PTPRA: variants seen among roughly 807,000 people sequenced by gnomAD.
PTPRA encodes receptor-type tyrosine-protein phosphatase alpha.
A neutral mutation model predicts 104.8 loss-of-function variants in PTPRA; 25 were observed. The ratio of observed to expected loss-of-function variants is 0.24; its 90% CI spans 0.17 to 0.33. The LOEUF (loss-of-function observed/expected upper bound fraction) is 0.33, where lower values mean the gene tolerates loss of function less well. Ranked by LOEUF, PTPRA falls within the 10% of genes least tolerant of loss-of-function variation. PTPRA has a pLI of 1.00. For synonymous variants in PTPRA, 323 were observed against 368.9 expected, an observed-to-expected ratio of 0.88 and a Z score of 1.43; for missense variants, 765 against 1,015.3, an observed-to-expected ratio of 0.75 and a Z score of 3.35.
intron 1 of PTPRA, among the ~76,000 whole-genome samples, chr20:2,886,902 T>A (rs11698251): frequency 5.7e-5 from 3 of 52,722 alleles, no homozygotes; most frequent in African/African-American, 1.5e-4. Context: ...AATAAAAAAA[T>A]GTAGTATCTT....
intron 17 of PTPRA, among the ~76,000 whole-genome samples, chr20:3,025,920 G>C (rs192560409): frequency 4.0e-5 from 6 of 150,696 alleles, no homozygotes; most frequent in African/African-American, 1.5e-4. Flanking sequence ...GTATGAGTTA[G>C]AGCTTGAGAT....
chr20:2,917,032 A>G (rs376858627), intron 1 of PTPRA, among the ~76,000 whole-genome samples: 2 of 142,354 alleles, frequency 1.4e-5, no homozygotes, highest in South Asian at 4.3e-4. Context: ...GTCTTGGCTC[A>G]CTGCAACCTC....
At chr20:2,951,745 A>T (rs1210962447) in intron 3 of PTPRA, among the ~76,000 whole-genome samples, 1 of 152,188 alleles carries the variant, frequency 6.6e-6, no homozygotes, top group African/African-American at 2.4e-5. Context: ...TGGCCCCTGC[A>T]TGGCATGGTG....
chr20:2,991,217 G>A (rs754705870), intron 9 of PTPRA, among the ~76,000 whole-genome samples: 6 of 152,090 alleles, frequency 3.9e-5, no homozygotes, highest in African/African-American at 7.2e-5. Context: ...AAATTAGCCA[G>A]GCGTGGTGGC....
At chr20:3,015,955 C>T in intron 12 of PTPRA, 70 bp downstream of exon 12, 1 of 1,427,634 alleles carries the variant, frequency 7.0e-7, no homozygotes, top group Non-Finnish European at 9.8e-7. Context: ...TTTTTTCTCC[C>T]AAATGCTGAG....
rs1481970051 is a variant in PTPRA at position 2,965,165 on chromosome 20, C to T, written c.378C>T (p.Ser126=). The change falls in exon 5 of 24, where the codon AGC becomes AGT. Residue 126 remains serine, a synonymous_variant. Transcript: ENST00000399903. The stretch of plus-strand genomic sequence containing the variant: ...CAGAACCCTGGGAGGGGAATTCCAG[C>T]ACCGCAGCAACCACTCCAGAAACTT... ...ARTEPWEGNS[S]TAATTPETFP... 3 of 1,614,080 alleles carry T rather than the reference C, an allele frequency of 1.9e-6. No individual in the cohort carries two copies. The highest frequency in any genetic ancestry group is 2.5e-6 in the Non-Finnish European group (3 of 1,179,952).
chr20:2,919,117 C>T (rs1171194080), intron 1 of PTPRA, among the ~76,000 whole-genome samples: 3 of 152,136 alleles, frequency 2.0e-5, no homozygotes, highest in African/African-American at 4.8e-5. Context: ...ATCCATTTTA[C>T]TGACATCTTC....
At position 2,899,357 on chromosome 20, in the gene PTPRA, A is replaced by T. The variant is rs575963911; in HGVS notation, c.-128-23850A>T. On this transcript the variant is annotated intron_variant, in intron 1 of 23. Coordinates refer to ENST00000399903, the MANE Select transcript of PTPRA (RefSeq NM_001385305.1). Reference sequence around the variant, plus strand: ...AAATGTGTTACTCACAGTTCTTCTGAAACAGCAGGCGCACCATACTATGCA... The same window carrying T: ...AAATGTGTTACTCACAGTTCTTCTGTAACAGCAGGCGCACCATACTATGCA... Among the ~76,000 whole-genome samples, 93 of 152,354 alleles carry T rather than the reference A, an allele frequency of 6.1e-4. No homozygotes were observed. In the South Asian group the frequency reaches 8.7e-3, roughly 14 times the overall value.
intron 1 of PTPRA, among the ~76,000 whole-genome samples, chr20:2,884,811 TG>T (rs199974008): frequency 0.02 from 2,109 of 107,818 alleles, 78 homozygotes; most frequent in East Asian, 0.14. Context: ...TTGTTTTTTT[TG>T]TTTTTTTTTT....
At chr20:2,912,075 T>A (rs1403991832) in intron 1 of PTPRA, among the ~76,000 whole-genome samples, 1 of 151,698 alleles carries the variant, frequency 6.6e-6, no homozygotes, top group Non-Finnish European at 1.5e-5. Flanking sequence ...AAACCCCATC[T>A]CCACAAAAAA....
chr20:2,912,400 G>C (rs1454301156), intron 1 of PTPRA, among the ~76,000 whole-genome samples: 2 of 151,978 alleles, frequency 1.3e-5, no homozygotes, highest in Non-Finnish European at 2.9e-5. Context: ...GAGGCAAGTG[G>C]ATTGCTTGAG....
intron 9 of PTPRA, among the ~76,000 whole-genome samples, chr20:3,003,653 G>C (rs948886766): frequency 2.0e-5 from 3 of 150,554 alleles, no homozygotes; most frequent in South Asian, 2.1e-4. Flanking sequence ...TCCCACCTCA[G>C]CCTTCTGAGT....
chr20:2,893,347 T>C (rs2058871179), intron 1 of PTPRA, among the ~76,000 whole-genome samples: 2 of 152,212 alleles, frequency 1.3e-5, no homozygotes, highest in African/African-American at 4.8e-5. Context: ...GTATAAAGTA[T>C]AATCAACTAC....
chr20:2,956,708 T>G (rs2061550450), intron 3 of PTPRA, among the ~76,000 whole-genome samples: 1 of 152,156 alleles, frequency 6.6e-6, no homozygotes, highest in Admixed American at 6.6e-5. Flanking sequence ...CAGCCATAAT[T>G]TATTTAATCA....
At chr20:3,019,525 G>T (rs1432185551) in intron 13 of PTPRA, among the ~76,000 whole-genome samples, 1 of 151,758 alleles carries the variant, frequency 6.6e-6, no homozygotes, top group African/African-American at 2.4e-5. Flanking sequence ...GGGCGGCCGG[G>T]CAGAGACGCT....
chr20:2,974,879 ATTAC>A (rs1343803358), intron 5 of PTPRA, among the ~76,000 whole-genome samples: 1 of 152,090 alleles, frequency 6.6e-6, no homozygotes, highest in African/African-American at 2.4e-5. Context: ...ATTAGATTTT[ATTAC>A]TTATCATTTT....
chr20:3,021,352 A>G lies in PTPRA; in HGVS notation c.1085A>G (p.Tyr362Cys), dbSNP rs771371579. Reference protein sequence around the residue: ...QYWPDQGCWTYGNIRVSVEDV... With the variant: ...QYWPDQGCWTCGNIRVSVEDV... ...TGGCCAGACCAAGGCTGCTGGACCTATGGGAATATTCGGGTGTCTGTAGAG... is the reference window on the plus strand; with the variant it reads ...TGGCCAGACCAAGGCTGCTGGACCTGTGGGAATATTCGGGTGTCTGTAGAG... Residue 362 changes from tyrosine to cysteine, a missense_variant, in exon 14 of 24, where the codon TAT becomes TGT. Physicochemically the swap from Tyr to Cys is radical, Grantham distance 194. Transcript: ENST00000399903. 1.9e-6 allele frequency: 3 copies of G among 1,613,894 alleles called. No homozygotes were observed. Among genetic ancestry groups the G allele is most frequent in the Non-Finnish European group, 1.7e-6 (2 of 1,179,850 alleles).
In PTPRA at chr20:3,017,930, G is replaced by C; in HGVS notation, c.1041+17G>C. The C allele has an allele frequency of 6.3e-7, 1 of 1,595,696 alleles. No homozygotes were observed. The highest frequency in any genetic ancestry group is 8.6e-7 in the Non-Finnish European group (1 of 1,163,412). ...AGAAAGGAGGTAAGTGGAAAAATTG[G>C]ATGTGAACAGCAGAAGGATCACTCT... On this transcript the variant is annotated intron_variant, in intron 13 of 23. Coordinates refer to ENST00000399903, the MANE Select transcript of PTPRA (RefSeq NM_001385305.1).
chr20:2,951,283 G>GT (rs2061345583), intron 3 of PTPRA, among the ~76,000 whole-genome samples: 1 of 152,034 alleles, frequency 6.6e-6, no homozygotes, highest in Middle Eastern at 3.2e-3. Flanking sequence ...TGTATTTTTA[G>GT]TAGAGACGGG....
Sources: gnomAD v4.1 joint callset for allele counts (sites outside exome capture counted in the v4.1 genomes callset) on GRCh38, gnomAD v4.1.1 for gene constraint, MANE v1.5 for transcripts, NCBI Gene and HGNC (gene_info 2026-07-23, HGNC 2026-07-21) for gene names.